The following PKIB variants were observed in gnomAD, a reference collection of about 807,000 sequenced individuals.
The protein encoded by PKIB is cAMP-dependent protein kinase inhibitor beta, also known as PKI-beta.
PKIB carries 2 observed loss-of-function variants against 4.5 expected under a neutral mutation model. That is an observed-to-expected ratio of 0.44 (90% CI 0.18 to 1.39). The LOEUF is 1.39. Ranked by LOEUF, PKIB falls within the 40% of genes most tolerant of loss-of-function variation. The pLI is 0.27. For missense variants in PKIB, 94 were observed against 92.6 expected, an observed-to-expected ratio of 1.02 and a Z score of -0.06; for synonymous variants, 38 against 36.0, an observed-to-expected ratio of 1.06 and a Z score of -0.20.
intron 3 of PKIB, among the ~76,000 whole-genome samples, chr6:122,708,978 T>C (rs1227150628): frequency 6.6e-6 from 1 of 152,186 alleles, no homozygotes; most frequent in African/African-American, 2.4e-5. Flanking sequence ...AGGCTGTCTC[T>C]AGAGCCACGT....
intron 2 of PKIB, among the ~76,000 whole-genome samples, chr6:122,645,153 C>G (rs996749167): frequency 6.6e-6 from 1 of 152,190 alleles, no homozygotes; most frequent in Non-Finnish European, 1.5e-5. Flanking sequence ...TGGTACATGA[C>G]TTCTATCTTT....
chr6:122,596,922 A>G (rs144730378), intron 3 of PKIB, among the ~76,000 whole-genome samples: 41 of 152,320 alleles, frequency 2.7e-4, no homozygotes, highest in African/African-American at 8.9e-4. Flanking sequence ...GGCTGGAGTA[A>G]TACACCCAAA....
In PKIB at chr6:122,660,517, C is replaced by T. The variant is rs557485857; in HGVS notation, c.-75-14561C>T. Among the ~76,000 whole-genome samples the T allele has an allele frequency of 6.6e-5, 10 of 152,264 alleles. No individual in the cohort carries two copies. The South Asian group carries it at 2.1e-3, about 32-fold the overall frequency. On this transcript the variant is annotated intron_variant, in intron 2 of 4. Coordinates refer to ENST00000368452, the MANE Select transcript of PKIB (RefSeq NM_181795.3). ...ACGGTCACGTTCTCCATGCTTGGAT[C>T]TCAGGGCTGAGAAGGCTTTGTATAT...
intron 2 of PKIB, among the ~76,000 whole-genome samples, chr6:122,579,571 TA>T (rs1773646354): frequency 6.6e-6 from 1 of 152,170 alleles, no homozygotes; most frequent in Admixed American, 6.5e-5. Context: ...CAATAATTAG[TA>T]AAAAAGCAAA....
At chr6:122,510,315 C>T (rs953640831) in intron 2 of PKIB, among the ~76,000 whole-genome samples, 1 of 152,108 alleles carries the variant, frequency 6.6e-6, no homozygotes, top group Non-Finnish European at 1.5e-5. Context: ...ATGTAACAAT[C>T]TGGAAATTGA....
At chr6:122,476,880 T>A (rs1417814287) in intron 1 of PKIB, among the ~76,000 whole-genome samples, 3 of 152,198 alleles carry the variant, frequency 2.0e-5, no homozygotes, top group African/African-American at 7.2e-5. Flanking sequence ...TTATTTGTGC[T>A]ACAGAAAGGA....
intron 2 of PKIB, among the ~76,000 whole-genome samples, chr6:122,490,206 T>C (rs541212352): frequency 3.3e-5 from 5 of 152,346 alleles, no homozygotes; most frequent in Admixed American, 1.3e-4. Flanking sequence ...AGCATCTTCT[T>C]GTAGCTTTTG....
In PKIB at chr6:122,666,880, A is replaced by G. The variant is rs142462011; in HGVS notation, c.-75-8198A>G. On this transcript the variant is annotated intron_variant, in intron 2 of 4. Coordinates refer to ENST00000368452, the MANE Select transcript of PKIB (RefSeq NM_181795.3). ...CCATATGGCGGACAGACCTGGATTCATGACTTGACCTTGCTTGGCACTGGT... is the reference window on the plus strand; with the variant it reads ...CCATATGGCGGACAGACCTGGATTCGTGACTTGACCTTGCTTGGCACTGGT... Among the ~76,000 whole-genome samples the G allele has an allele frequency of 2.5e-3, 383 of 152,288 alleles. 2 individuals are homozygous for G. The highest frequency in any genetic ancestry group is 8.6e-3 in the African/African-American group (358 of 41,552).
At chr6:122,532,458 G>T (rs1192799985) in intron 2 of PKIB, among the ~76,000 whole-genome samples, 1 of 152,018 alleles carries the variant, frequency 6.6e-6, no homozygotes, top group Admixed American at 6.6e-5. Flanking sequence ...TAACATTGTT[G>T]TGTAATCATC....
At chr6:122,719,519 CT>C (rs1426656756) in intron 4 of PKIB, among the ~76,000 whole-genome samples, 5 of 152,070 alleles carry the variant, frequency 3.3e-5, no homozygotes, top group African/African-American at 1.2e-4. Context: ...AAGAGACAAA[CT>C]GCTAGAATCA....
At chr6:122,501,319 C>A (rs1776228786) in intron 2 of PKIB, among the ~76,000 whole-genome samples, 1 of 152,152 alleles carries the variant, frequency 6.6e-6, no homozygotes, top group African/African-American at 2.4e-5. Flanking sequence ...TGCTCTCATT[C>A]CAAAAGGGAT....
intron 2 of PKIB, among the ~76,000 whole-genome samples, chr6:122,634,945 G>C (rs1278698137): frequency 8.6e-6 from 1 of 116,038 alleles, no homozygotes; most frequent in East Asian, 2.5e-4. Context: ...CCATCTCAAA[G>C]AAAAAAAAAA....
chr6:122,583,257 A>C (rs1447617895), intron 2 of PKIB, among the ~76,000 whole-genome samples: 19 of 152,094 alleles, frequency 1.2e-4, no homozygotes, highest in Admixed American at 1.2e-3. Flanking sequence ...AGCCTTAAAC[A>C]GAAATCTTAA....
At chr6:122,692,962 T>C (rs997954582) in intron 3 of PKIB, among the ~76,000 whole-genome samples, 5 of 152,242 alleles carry the variant, frequency 3.3e-5, no homozygotes, top group African/African-American at 9.6e-5. Context: ...CTATTCAAGT[T>C]AAGAGAAGGT....
intron 2 of PKIB, among the ~76,000 whole-genome samples, chr6:122,554,594 C>T (rs1257533456): frequency 2.0e-5 from 3 of 152,132 alleles, no homozygotes; most frequent in Non-Finnish European, 1.5e-5. Context: ...GATAACTGAG[C>T]AGTAGTGGGG....
intron 2 of PKIB, among the ~76,000 whole-genome samples, chr6:122,523,505 T>C (rs1777007374): frequency 6.6e-6 from 1 of 152,134 alleles, no homozygotes; most frequent in African/African-American, 2.4e-5. Flanking sequence ...TTAATAAGTC[T>C]CATGAGATCT....
At chr6:122,575,586 A>G (rs940262531) in intron 2 of PKIB, among the ~76,000 whole-genome samples, 1 of 152,232 alleles carries the variant, frequency 6.6e-6, no homozygotes, top group Non-Finnish European at 1.5e-5. Context: ...CTACTCAGCC[A>G]TAAAAAAGGA....
At chr6:122,663,901 A>G (rs1777113266) in intron 2 of PKIB, among the ~76,000 whole-genome samples, 1 of 152,222 alleles carries the variant, frequency 6.6e-6, no homozygotes, top group African/African-American at 2.4e-5. Context: ...TGATTGTTTC[A>G]GACCAATGCC....
At chr6:122,579,327 C>A (rs1489968238) in intron 2 of PKIB, among the ~76,000 whole-genome samples, 1 of 152,014 alleles carries the variant, frequency 6.6e-6, no homozygotes, top group Non-Finnish European at 1.5e-5. Context: ...CATGGAATAT[C>A]CTCCCTTTCC....
Sources: allele counts gnomAD v4.1 joint callset (sites outside exome capture counted in the v4.1 genomes callset), GRCh38; gene constraint gnomAD v4.1.1; transcripts MANE v1.5; gene names NCBI Gene and HGNC (gene_info 2026-07-23, HGNC 2026-07-21).